Variants in TUT4 observed in about 807,000 individuals in gnomAD.
The protein encoded by TUT4 is terminal uridylyl transferase 4.
Under a neutral mutation model 192.2 loss-of-function variants are expected in TUT4, and 36 were observed. The ratio of observed to expected loss-of-function variants is 0.19; its 90% CI spans 0.14 to 0.25. The LOEUF is 0.25. Ranked by LOEUF, TUT4 falls within the 10% of genes least tolerant of loss-of-function variation. The probability of loss-of-function intolerance (pLI) is 1.00; values close to 1 mark genes in which losing one functional copy is unlikely to be tolerated. For missense variants in TUT4, 1,493 were observed against 1,957.2 expected, an observed-to-expected ratio of 0.76 and a Z score of 4.47; for synonymous variants, 618 against 666.0, an observed-to-expected ratio of 0.93 and a Z score of 1.11.
At chr1:52,535,161 T>A (rs1023556367) in intron 1 of TUT4, 3 of 152,140 alleles carry the variant, frequency 2.0e-5, no homozygotes, top group Non-Finnish European at 4.4e-5. Context: ...TTCTGTAAAA[T>A]TTTTTTCTTC....
chr1:52,534,755 T>C (rs1281395416), intron 1 of TUT4, among the ~76,000 whole-genome samples: 1 of 151,484 alleles, frequency 6.6e-6, no homozygotes, highest in Non-Finnish European at 1.5e-5. Context: ...CCCAGCTACT[T>C]GGGAGGCTGA....
intron 20 of TUT4, among the ~76,000 whole-genome samples, chr1:52,456,407 G>GTCCA (rs1660946677): frequency 1.5e-5 from 1 of 66,010 alleles, no homozygotes; most frequent in African/African-American, 6.1e-5. Flanking sequence ...GCGAGACTGT[G>GTCCA]TCTCAAAAAA....
intron 16 of TUT4, chr1:52,462,692 A>G (rs1662958307): frequency 3.1e-6 from 3 of 978,942 alleles, no homozygotes; most frequent in Admixed American, 6.1e-5. Context: ...GTTATTTATT[A>G]TAATTATGTT....
intron 3 of TUT4, 148 bp downstream of exon 3, chr1:52,515,743 G>T: frequency 1.2e-6 from 1 of 864,578 alleles, no homozygotes; most frequent in Non-Finnish European, 1.8e-6. Flanking sequence ...AAGAGGGAAA[G>T]AAGAAGAAAG....
intron 19 of TUT4, among the ~76,000 whole-genome samples, chr1:52,459,542 T>C (rs1293402389): frequency 6.6e-6 from 1 of 152,064 alleles, no homozygotes; most frequent in African/African-American, 2.4e-5. Flanking sequence ...TGAGCTGTAA[T>C]CACACCACTT....
intron 4 of TUT4, among the ~76,000 whole-genome samples, chr1:52,506,474 G>A (rs1427402427): frequency 1.8e-4 from 27 of 152,094 alleles, no homozygotes; most frequent in Admixed American, 1.7e-3. Context: ...CAATTATCCA[G>A]AGCTCATTAA....
intron 1 of TUT4, among the ~76,000 whole-genome samples, chr1:52,546,250 T>C (rs1189918041): frequency 6.6e-6 from 1 of 152,222 alleles, no homozygotes; most frequent in Non-Finnish European, 1.5e-5. Context: ...TGTACACTCA[T>C]GTTCACAGCA....
chr1:52,491,311 C>T (rs1490081898), intron 7 of TUT4, among the ~76,000 whole-genome samples: 2 of 152,176 alleles, frequency 1.3e-5, no homozygotes, highest in Non-Finnish European at 2.9e-5. Flanking sequence ...GAAGGACTAA[C>T]CGGATGAAGC....
At chr1:52,502,827 T>C (rs1674527259) in intron 4 of TUT4, among the ~76,000 whole-genome samples, 1 of 152,084 alleles carries the variant, frequency 6.6e-6, no homozygotes, top group Admixed American at 6.6e-5. Flanking sequence ...TTTCACTATG[T>C]TGCCCAGGCT....
At chr1:52,527,662 A>G (rs1682181229) in intron 1 of TUT4, among the ~76,000 whole-genome samples, 1 of 152,214 alleles carries the variant, frequency 6.6e-6, no homozygotes, top group Non-Finnish European at 1.5e-5. Context: ...CATTTGTATA[A>G]TGATACAAAA....
chr1:52,508,758 T>A (rs1030305827), intron 4 of TUT4, among the ~76,000 whole-genome samples: 8 of 152,144 alleles, frequency 5.3e-5, no homozygotes, highest in Non-Finnish European at 1.2e-4. Context: ...AGATAAGAGG[T>A]TACACAGTAT....
intron 1 of TUT4, among the ~76,000 whole-genome samples, chr1:52,528,270 G>A (rs988241315): frequency 6.7e-6 from 1 of 150,092 alleles, no homozygotes; most frequent in African/African-American, 2.5e-5. Flanking sequence ...CGAGGCTGGC[G>A]GATTGAGTCC....
At chr1:52,539,558 C>T (rs891854481) in intron 1 of TUT4, among the ~76,000 whole-genome samples, 10 of 152,136 alleles carry the variant, frequency 6.6e-5, no homozygotes, top group Admixed American at 2.6e-4. Context: ...CAAGTTCCTA[C>T]AAAAAGTCCC....
At chr1:52,526,961 T>C (rs1681949611) in intron 1 of TUT4, among the ~76,000 whole-genome samples, 1 of 152,036 alleles carries the variant, frequency 6.6e-6, no homozygotes, top group African/African-American at 2.4e-5. Flanking sequence ...GAGGCAGAGG[T>C]TGCAGTGAGC....
chr1:52,542,615 T>A (rs944738679), intron 1 of TUT4, among the ~76,000 whole-genome samples: 1 of 152,130 alleles, frequency 6.6e-6, no homozygotes, highest in Non-Finnish European at 1.5e-5. Flanking sequence ...AATCTAGGAA[T>A]AGAAAGAAAC....
chr1:52,482,047 A>G (rs1489477614), intron 9 of TUT4, 124 bp from the exon 10 acceptor site: 4 of 656,936 alleles, frequency 6.1e-6, no homozygotes, highest in African/African-American at 1.9e-5. Flanking sequence ...AATATAAGGA[A>G]TAACTTGAAA....
At chr1:52,455,968 T>C (rs888805465) in intron 20 of TUT4, among the ~76,000 whole-genome samples, 6 of 152,224 alleles carry the variant, frequency 3.9e-5, no homozygotes, top group Non-Finnish European at 7.3e-5. Context: ...CTGAAAACTA[T>C]GTCCATACAA....
intron 28 of TUT4, among the ~76,000 whole-genome samples, chr1:52,429,697 A>T (rs950168697): frequency 1.3e-5 from 2 of 151,628 alleles, no homozygotes; most frequent in African/African-American, 4.9e-5. Flanking sequence ...GGTTCAAGCG[A>T]TTCTCCTGCC....
chr1:52,520,130 C>A (rs1679849994), intron 2 of TUT4, among the ~76,000 whole-genome samples: 1 of 152,174 alleles, frequency 6.6e-6, no homozygotes, highest in Non-Finnish European at 1.5e-5. Context: ...GGATATCTAT[C>A]TTCTCAGTTG....
Sources: allele counts gnomAD v4.1 joint callset (sites outside exome capture counted in the v4.1 genomes callset), GRCh38; gene constraint gnomAD v4.1.1; transcripts MANE v1.5; gene names NCBI Gene and HGNC (gene_info 2026-07-23, HGNC 2026-07-21).